DCAF1: variants seen among roughly 807,000 people sequenced by gnomAD.
The protein encoded by DCAF1 is DDB1- and CUL4-associated factor 1.
Under a neutral mutation model 128.0 loss-of-function variants are expected in DCAF1, and 15 were observed. The observed-to-expected ratio is 0.12, with a 90% CI of 0.08 to 0.18. The LOEUF (loss-of-function observed/expected upper bound fraction) is 0.18, where lower values mean the gene tolerates loss of function less well. DCAF1 is among the 10% of genes least tolerant of loss of function. DCAF1 has a pLI of 1.00. For missense variants in DCAF1, 988 were observed against 1,649.5 expected (o/e 0.60, Z 6.95); for synonymous variants, 610 against 603.0 (o/e 1.01, Z -0.17).
At chr3:51,461,764 G>C (rs1272216271) in intron 6 of DCAF1, among the ~76,000 whole-genome samples, 1 of 152,124 alleles carries the variant, frequency 6.6e-6, no homozygotes, top group South Asian at 2.1e-4. Flanking sequence ...CCTTTGTAGG[G>C]ACATGGATGA....
At chr3:51,407,337 A>C (rs527826522) in intron 23 of DCAF1, among the ~76,000 whole-genome samples, 64 of 152,254 alleles carry the variant, frequency 4.2e-4, no homozygotes, top group Middle Eastern at 3.4e-3. Context: ...TCTTTCCTCA[A>C]TGGCAGAATC....
chr3:51,461,193 A>G (rs1419840031), intron 6 of DCAF1, among the ~76,000 whole-genome samples: 3 of 152,080 alleles, frequency 2.0e-5, no homozygotes, highest in Admixed American at 6.6e-5. Flanking sequence ...AGAATCTACA[A>G]TGAACTCAAA....
chr3:51,455,094 C>T (rs537550981), intron 6 of DCAF1, among the ~76,000 whole-genome samples: 1 of 152,164 alleles, frequency 6.6e-6, no homozygotes, highest in South Asian at 2.1e-4. Flanking sequence ...TGTTTGCCCA[C>T]CCCCAAACAC....
intron 6 of DCAF1, among the ~76,000 whole-genome samples, chr3:51,447,735 G>C (rs944670411): frequency 1.3e-5 from 2 of 152,102 alleles, no homozygotes; most frequent in Admixed American, 6.6e-5. Flanking sequence ...ATCACATGAG[G>C]TCAGGAGTTC....
intron 6 of DCAF1, among the ~76,000 whole-genome samples, chr3:51,456,492 C>G (rs1351295142): frequency 6.6e-6 from 1 of 152,202 alleles, no homozygotes; most frequent in East Asian, 1.9e-4. Flanking sequence ...GGGGGCAGGG[C>G]ACAGACAAAC....
At chr3:51,502,289 C>T (rs1259960297), upstream of DCAF1, among the ~76,000 whole-genome samples, 3 of 152,164 alleles carry the variant, frequency 2.0e-5, no homozygotes, top group Non-Finnish European at 2.9e-5. Context: ...CCTGTAATCC[C>T]AGCACTTTGA....
chr3:51,475,238 G>GAA (rs200208843), intron 3 of DCAF1, among the ~76,000 whole-genome samples: 2 of 138,542 alleles, frequency 1.4e-5, no homozygotes, highest in Non-Finnish European at 3.2e-5. Context: ...TATCAAAAAA[G>GAA]AAAAAAAAAA....
At chr3:51,468,563 G>C (rs747520173) in intron 4 of DCAF1, among the ~76,000 whole-genome samples, 1 of 152,092 alleles carries the variant, frequency 6.6e-6, no homozygotes, top group Non-Finnish European at 1.5e-5. Context: ...ACATACAATA[G>C]AGAATGAAGA....
chr3:51,419,904 T>C lies in DCAF1; in HGVS notation c.3066A>G (p.Pro1022=). 1 of 1,614,044 alleles carries C rather than the reference T, an allele frequency of 6.2e-7. No homozygotes were observed. The change falls in exon 15 of 25, where the codon CCA becomes CCG. Residue 1022 remains proline, a synonymous_variant. Coordinates refer to ENST00000684031, the MANE Select transcript of DCAF1 (RefSeq NM_001387579.1). The part of the protein sequence containing the change: ...LREQHARCKN[P]VATCPPFSLF... ...GGGAGAAAGGTGGGCAGGTGGCAAC[T>C]GGATTCTTGCAGCGAGCATGTTGTT...
At chr3:51,406,342 CAAA>C (rs782324969) in intron 23 of DCAF1, among the ~76,000 whole-genome samples, 2 of 48,196 alleles carry the variant, frequency 4.1e-5, no homozygotes, top group Non-Finnish European at 7.7e-5. Flanking sequence ...GACTCTGTCT[CAAA>C]AAAAAAAAAA....
In DCAF1 at chr3:51,446,145, C is replaced by G. The variant is rs1308912987; in HGVS notation, c.376-2242G>C. Among the ~76,000 whole-genome samples the G allele has an allele frequency of 2.0e-5, 3 of 151,942 alleles. No homozygotes were observed. In the East Asian group the frequency reaches 5.8e-4, roughly 29 times the overall value. On this transcript the variant is annotated intron_variant, in intron 6 of 24. Transcript: ENST00000684031. ...AGTAGCTGGGATTATAGGTGCACAC[C>G]AACCACACCCAGCTGATTTTTGTAT...
At chr3:51,422,011 A>G (rs573042164) in intron 14 of DCAF1, among the ~76,000 whole-genome samples, 4 of 152,250 alleles carry the variant, frequency 2.6e-5, no homozygotes, top group South Asian at 4.1e-4. Flanking sequence ...GGAAAGCTAT[A>G]ATATACCATT....
At chr3:51,487,832 C>T (rs1008486527) in intron 2 of DCAF1, among the ~76,000 whole-genome samples, 63 of 151,644 alleles carry the variant, frequency 4.2e-4, no homozygotes, top group African/African-American at 1.5e-3. Context: ...CAAACCACCA[C>T]GCCCAGCCTA....
chr3:51,418,944 G>A, intron 15 of DCAF1, 68 bp from the exon 16 acceptor site: 1 of 1,480,778 alleles, frequency 6.8e-7, no homozygotes, highest in South Asian at 1.4e-5. Context: ...AAACTGCTAG[G>A]ATAGAAGAAA....
At chr3:51,479,765 C>T (rs1244883110) in intron 3 of DCAF1, among the ~76,000 whole-genome samples, 1 of 152,054 alleles carries the variant, frequency 6.6e-6, no homozygotes, top group Admixed American at 6.6e-5. Context: ...CACTGCACTC[C>T]AGCCCAGGCA....
chr3:51,436,654 A>G (rs1211186785), intron 9 of DCAF1, among the ~76,000 whole-genome samples: 1 of 152,206 alleles, frequency 6.6e-6, no homozygotes, highest in Non-Finnish European at 1.5e-5. Context: ...ACGTATTTTA[A>G]TAACTTCAGT....
In DCAF1 at chr3:51,436,612, C is replaced by T. The variant is rs565413265; in HGVS notation, c.1129-3348G>A. ...TGTATCTTTCCTTCCTATCATGATA[C>T]TAATAATTTATAAAGGATCTGTGTA... On this transcript the variant is annotated intron_variant, in intron 9 of 24. Transcript: ENST00000684031. Among the ~76,000 whole-genome samples the T allele has an allele frequency of 3.9e-5, 6 of 152,202 alleles. No individual in the cohort carries two copies. In the South Asian group the frequency reaches 1.0e-3, roughly 26 times the overall value.
At chr3:51,490,486 T>C (rs1283508067) in intron 2 of DCAF1, among the ~76,000 whole-genome samples, 5 of 152,126 alleles carry the variant, frequency 3.3e-5, no homozygotes, top group African/African-American at 9.7e-5. Context: ...CTACAAAACA[T>C]TGCTGGAGTC....
chr3:51,426,859 A>G (rs1016233046), intron 13 of DCAF1, among the ~76,000 whole-genome samples: 1 of 152,182 alleles, frequency 6.6e-6, no homozygotes, highest in Non-Finnish European at 1.5e-5. Context: ...ATCATCTTCA[A>G]ATAGAACCTA....
Sources: allele counts gnomAD v4.1 joint callset (sites outside exome capture counted in the v4.1 genomes callset), GRCh38; gene constraint gnomAD v4.1.1; transcripts MANE v1.5; gene names NCBI Gene and HGNC (gene_info 2026-07-23, HGNC 2026-07-21).